EHD1: variants seen among roughly 807,000 people sequenced by gnomAD.
The protein encoded by EHD1 is EH domain containing 1.
A neutral mutation model predicts 39.0 loss-of-function variants in EHD1; 19 were observed. The observed-to-expected ratio is 0.49, with a 90% CI of 0.34 to 0.72. EHD1 has a LOEUF of 0.72. EHD1 is among the 30% of genes least tolerant of loss of function. EHD1 has a pLI of 0.01. For synonymous variants in EHD1, 323 were observed against 331.2 expected (o/e 0.98, Z 0.27); for missense variants, 542 against 751.5 (o/e 0.72, Z 3.26).
rs745821544 is a variant in EHD1, at chr11:64,854,504, GTTGGGGAGC to G, written c.1425_1433del (p.Lys475_Pro477del). The G allele has an allele frequency of 6.2e-7, 1 of 1,614,198 alleles. No homozygotes were observed. The highest frequency in any genetic ancestry group is 2.2e-5 in the East Asian group (1 of 44,870). ...GCTTCCAGATCTTCCCTAGCACGGT[GTTGGGGAGC>G]TTGGACTTCACCATCTCCTTCTTGG... On this transcript the variant is annotated inframe_deletion, in exon 5 of 5. Transcript: ENST00000320631.
At chr11:64,855,589 G>T in intron 3 of EHD1, 103 bp from the exon 4 acceptor site, 1 of 1,542,132 alleles carries the variant, frequency 6.5e-7, no homozygotes, top group Non-Finnish European at 8.8e-7. Flanking sequence ...GCTCGCTCAG[G>T]AACAGGGAAG....
At chr11:64,861,185 CA>C (rs113324966) in intron 2 of EHD1, among the ~76,000 whole-genome samples, 7,794 of 125,244 alleles carry the variant, frequency 0.062, 233 homozygotes, top group African/African-American at 0.087. Flanking sequence ...GACTCCGTCT[CA>C]AAAAAAAAAA....
Position 64,860,199 on chromosome 11 carries a change from T to C in EHD1, c.640A>G (p.Ile214Val). ...IKALKNHEDK[I>V]RVVLNKADQI... ...TCTGCCTTGTTCAGCACCACGCGGA[T>C]CTTGTCCTCATGGTTCTTCAGAGCC... The change falls in exon 3 of 5, where the codon ATC becomes GTC. Residue 214 changes from isoleucine (I) to valine (V), a missense_variant. Ile to Val is a conservative substitution (Grantham distance 29). Transcript: ENST00000320631. The C allele has an allele frequency of 6.2e-7, 1 of 1,614,118 alleles. No homozygotes were observed. The highest frequency in any genetic ancestry group is 2.2e-5 in the East Asian group (1 of 44,888).
chr11:64,876,052 CA>C (rs1237320783), intron 1 of EHD1, among the ~76,000 whole-genome samples: 1 of 152,226 alleles, frequency 6.6e-6, no homozygotes, highest in Non-Finnish European at 1.5e-5. Context: ...GGGGAAGCAG[CA>C]AAGATGCCTC....
chr11:64,874,800 GACTTGTTAGTGAAA>G (rs1290044071), intron 1 of EHD1, among the ~76,000 whole-genome samples: 1 of 152,180 alleles, frequency 6.6e-6, no homozygotes, highest in Non-Finnish European at 1.5e-5. Flanking sequence ...TCAAGCTGCT[GACTTGTTAGTGAAA>G]ACTGTGCAAG....
intron 4 of EHD1, chr11:64,855,114 C>G: frequency 1.1e-6 from 1 of 920,594 alleles, no homozygotes; most frequent in Admixed American, 2.9e-5. Flanking sequence ...CCTCCCCCCA[C>G]CACGCAGGGT....
upstream of EHD1, chr11:64,879,212 G>C (rs997031081): frequency 1.9e-5 from 21 of 1,094,878 alleles, no homozygotes; most frequent in Admixed American, 9.1e-5. Flanking sequence ...TGAGGGAGTA[G>C]AGAATCCGGG....
intron 3 of EHD1, among the ~76,000 whole-genome samples, chr11:64,857,117 G>A (rs1943661805): frequency 6.6e-6 from 1 of 152,170 alleles, no homozygotes; most frequent in East Asian, 1.9e-4. Context: ...GCTCCAGAAG[G>A]GAGAGATCTA....
intron 1 of EHD1, chr11:64,875,553 A>C (rs1041205737): frequency 1.3e-5 from 2 of 152,406 alleles, no homozygotes; most frequent in African/African-American, 4.8e-5. Context: ...ACTCTGTCTC[A>C]AAAAAACAAA....
At position 64,878,043 on chromosome 11, in the gene EHD1, G is replaced by A. The variant is rs1280959330; in HGVS notation, c.404+18C>T. ...GCCCCGGACGCGCCCCCCGCCCCCT[G>A]GAGTGATGGGTGGGTACCTGTTGAG... is the stretch of plus-strand genomic sequence containing the variant. On this transcript the variant is annotated intron_variant, in intron 1 of 4. Coordinates refer to ENST00000320631, the MANE Select transcript of EHD1 (RefSeq NM_006795.4). 1 of 1,495,592 alleles carries A rather than the reference G, an allele frequency of 6.7e-7. No homozygotes were observed. The highest frequency in any genetic ancestry group is 8.9e-7 in the Non-Finnish European group (1 of 1,129,354). 92.6% of individuals were successfully genotyped at this position (1,495,592 alleles called of 1,614,324 possible).
chr11:64,866,205 G>A (rs751239271), intron 2 of EHD1, among the ~76,000 whole-genome samples: 5 of 152,120 alleles, frequency 3.3e-5, no homozygotes, highest in Non-Finnish European at 7.4e-5. Flanking sequence ...GACCTTTGCA[G>A]CAACATGGAT....
At chr11:64,857,431 A>G (rs1943665474) in intron 3 of EHD1, among the ~76,000 whole-genome samples, 1 of 152,166 alleles carries the variant, frequency 6.6e-6, no homozygotes, top group Admixed American at 6.5e-5. Context: ...CTCCAAAAAA[A>G]TCAAAAAATA....
chr11:64,869,928 A>T (rs1231385440), intron 2 of EHD1, among the ~76,000 whole-genome samples: 2 of 152,194 alleles, frequency 1.3e-5, no homozygotes, highest in Non-Finnish European at 2.9e-5. Context: ...CAGGACACAC[A>T]GGTGGGAGTG....
At chr11:64,878,745 C>G (rs1286657232), upstream of EHD1, 1 of 1,308,354 alleles carries the variant, frequency 7.6e-7, no homozygotes, top group Admixed American at 3.9e-5. Flanking sequence ...CCCCGCCCCT[C>G]CGACTGGTGC....
At chr11:64,862,428 T>C (rs920188203) in intron 2 of EHD1, among the ~76,000 whole-genome samples, 8 of 152,196 alleles carry the variant, frequency 5.3e-5, no homozygotes, top group African/African-American at 1.4e-4. Flanking sequence ...AAAAGGTGCA[T>C]GAGCCCTCTG....
rs1211284 is a variant in EHD1, at chr11:64,878,399, A to C, written c.66T>G (p.Ala22=). Reference sequence around the variant, plus strand: ...GCGCGTACAGCTGCCGCAGCCCCTCAGCCACCGTCTGGAAGAGCTCCGGCT... The same window carrying C: ...GCGCGTACAGCTGCCGCAGCCCCTCCGCCACCGTCTGGAAGAGCTCCGGCT... ...KKEPELFQTV[A]EGLRQLYAQK... The change falls in exon 1 of 5, where the codon GCT becomes GCG. Residue 22 remains alanine (A), a synonymous_variant. Transcript: ENST00000320631. 2 of 1,613,684 alleles carry C rather than the reference A, an allele frequency of 1.2e-6. No homozygotes were observed. Among genetic ancestry groups the C allele is most frequent in the African/African-American group, 2.7e-5 (2 of 74,910 alleles).
chr11:64,855,779 A>G (rs1943644720), intron 3 of EHD1: 2 of 415,946 alleles, frequency 4.8e-6, no homozygotes, highest in Non-Finnish European at 8.8e-6. Flanking sequence ...GTGATGATTC[A>G]GGAAGAGTAA....
At position 64,860,093 on chromosome 11, in the gene EHD1, A is replaced by G; in HGVS notation, c.746T>C (p.Val249Ala). 6.2e-7 allele frequency: 1 copy of G among 1,613,982 alleles called. No individual in the cohort carries two copies. The highest frequency in any genetic ancestry group is 8.5e-7 in the Non-Finnish European group (1 of 1,180,002). ...GAAGGAGCCGATGTAGACCCTGACC[A>G]CCTCGGGGGTGTTGATGATCTTGCC... is the stretch of plus-strand genomic sequence containing the variant. ...SLGKIINTPE[V>A]VRVYIGSFWS... The change falls in exon 3 of 5, where the codon GTG (valine) becomes GCG (alanine). Residue 249 changes from valine (V) to alanine (A), a missense_variant. By Grantham distance (64) the Val-to-Ala change is moderately conservative. Coordinates refer to ENST00000320631, the MANE Select transcript of EHD1 (RefSeq NM_006795.4).
intron 1 of EHD1, among the ~76,000 whole-genome samples, chr11:64,876,145 C>T (rs1057413379): frequency 5.3e-5 from 8 of 152,218 alleles, no homozygotes; most frequent in African/African-American, 1.9e-4. Context: ...TTGCAAGACA[C>T]TCTTAAGACA....
Sources: allele counts gnomAD v4.1 joint callset (sites outside exome capture counted in the v4.1 genomes callset), GRCh38; gene constraint gnomAD v4.1.1; transcripts MANE v1.5; gene names NCBI Gene and HGNC (gene_info 2026-07-23, HGNC 2026-07-21).